Variants in DACH2 observed in about 807,000 individuals in gnomAD.
The protein encoded by DACH2 is dachshund homolog 2.
DACH2 carries 17 observed loss-of-function variants against 35.8 expected under a neutral mutation model. The observed-to-expected ratio is 0.48, with a 90% CI of 0.33 to 0.71. DACH2 has a LOEUF of 0.71. Among genes scored for constraint, DACH2 ranks in the 30% least tolerant of loss-of-function variants. The pLI is 0.02. For synonymous variants in DACH2, 195 were observed against 177.3 expected (o/e 1.10, Z -0.79); for missense variants, 469 against 472.7 (o/e 0.99, Z 0.07).
At chrX:86,397,659 T>C (rs1184207485) in intron 2 of DACH2, among the ~76,000 whole-genome samples, 4 of 112,073 alleles carry the variant, frequency 3.6e-5, no homozygotes, top group Admixed American at 2.8e-4. Context: ...CATGTGGTTT[T>C]TGTCTTTGGT....
intron 1 of DACH2, among the ~76,000 whole-genome samples, chrX:86,302,533 A>C (rs1176211641): frequency 2.7e-5 from 3 of 111,151 alleles, no homozygotes; most frequent in Non-Finnish European, 5.7e-5. Context: ...TGCACTTAGA[A>C]ACTTCTGGGT....
intron 1 of DACH2, among the ~76,000 whole-genome samples, chrX:86,318,812 T>A (rs1455725293): frequency 9.0e-6 from 1 of 111,563 alleles, no homozygotes; most frequent in African/African-American, 3.3e-5. Flanking sequence ...CTGTTAAAGA[T>A]GTTCAAAATT....
At chrX:86,340,829 A>G (rs1224140300) in intron 1 of DACH2, among the ~76,000 whole-genome samples, 1 of 112,267 alleles carries the variant, frequency 8.9e-6, no homozygotes, top group African/African-American at 3.2e-5. Context: ...TGGTCTGGCT[A>G]GAAGATCAGA....
At chrX:86,348,886 C>A (rs749310828) in intron 1 of DACH2, among the ~76,000 whole-genome samples, 17 of 112,464 alleles carry the variant, frequency 1.5e-4, no homozygotes, top group African/African-American at 5.5e-4. Context: ...GGGGAGCAGG[C>A]AGACGGGCAG....
intron 7 of DACH2, among the ~76,000 whole-genome samples, chrX:86,767,846 C>A (rs1377376268): frequency 8.9e-6 from 1 of 112,159 alleles, no homozygotes; most frequent in Non-Finnish European, 1.9e-5. Flanking sequence ...GTTCCAAGTT[C>A]TTTCCCCTCT....
At chrX:86,765,698 G>GTTTTTTTTTTTTTTTTTTT (rs60709865) in intron 7 of DACH2, among the ~76,000 whole-genome samples, 1 of 24,637 alleles carries the variant, frequency 4.1e-5, no homozygotes, top group Non-Finnish European at 6.5e-5. Context: ...TTGTTTTTTG[G>GTTTTTTTTTTTTTTTTTTT]TTTTTTTTTT....
chrX:86,252,581 A>C (rs1320683332), intron 1 of DACH2, among the ~76,000 whole-genome samples: 2 of 111,457 alleles, frequency 1.8e-5, no homozygotes, highest in Non-Finnish European at 3.8e-5. Context: ...TTATCCCAGC[A>C]ACATTTGTTG....
At chrX:86,808,170 A>T (rs769225581) in intron 7 of DACH2, among the ~76,000 whole-genome samples, 1 of 112,268 alleles carries the variant, frequency 8.9e-6, no homozygotes, top group Non-Finnish European at 1.9e-5. Flanking sequence ...CTCCTTAATG[A>T]CAAGAACTGG....
At chrX:86,731,293 G>T (rs944724377) in intron 6 of DACH2, among the ~76,000 whole-genome samples, 1 of 111,162 alleles carries the variant, frequency 9.0e-6, no homozygotes, top group Non-Finnish European at 1.9e-5. Context: ...CAGATTTCAG[G>T]TTACCAACAG....
At chrX:86,190,108 G>A (rs2031786995) in intron 1 of DACH2, among the ~76,000 whole-genome samples, 1 of 109,334 alleles carries the variant, frequency 9.1e-6, no homozygotes. Flanking sequence ...AGGCTGCACT[G>A]AGCCAAGATC....
intron 4 of DACH2, among the ~76,000 whole-genome samples, chrX:86,657,442 A>G (rs978894226): frequency 9.0e-6 from 1 of 111,649 alleles, no homozygotes; most frequent in Non-Finnish European, 1.9e-5. Context: ...ATGATTTAGA[A>G]TTTTATATTG....
At chrX:86,209,624 T>C (rs1281587391) in intron 1 of DACH2, among the ~76,000 whole-genome samples, 2 of 111,010 alleles carry the variant, frequency 1.8e-5, no homozygotes, top group African/African-American at 6.5e-5. Context: ...TCCATCCCAG[T>C]GCAGATAACA....
chrX:86,182,324 A>C (rs1330345017), intron 1 of DACH2, among the ~76,000 whole-genome samples: 1 of 111,975 alleles, frequency 8.9e-6, no homozygotes, highest in Non-Finnish European at 1.9e-5. Flanking sequence ...TTTAGGTTTT[A>C]CATTTAAGTC....
At chrX:86,345,008 T>A (rs1448612907) in intron 1 of DACH2, among the ~76,000 whole-genome samples, 1 of 112,448 alleles carries the variant, frequency 8.9e-6, no homozygotes, top group Non-Finnish European at 1.9e-5. Flanking sequence ...TCCATAGTCT[T>A]ACTTGAATGA....
rs189372428 is a variant in DACH2, at chrX:86,403,846, G to A, written c.527+26984G>A. Among the ~76,000 whole-genome samples, 6 of 111,460 alleles carry A rather than the reference G, an allele frequency of 5.4e-5. No homozygotes were observed. In the East Asian group the frequency reaches 1.7e-3, roughly 31 times the overall value. On this transcript the variant is annotated intron_variant, in intron 2 of 11. Transcript: ENST00000373125. The stretch of plus-strand genomic sequence containing the variant: ...AAGACTGGGTAATTTATAAAGGAAA[G>A]ATGTTTAATTGACTCACACTTCTGT...
intron 3 of DACH2, among the ~76,000 whole-genome samples, chrX:86,642,224 A>G (rs1316755673): frequency 9.0e-6 from 1 of 111,611 alleles, no homozygotes; most frequent in South Asian, 3.7e-4. Context: ...ACCTCACGTC[A>G]TGACACTCAT....
intron 3 of DACH2, among the ~76,000 whole-genome samples, chrX:86,529,463 C>A (rs761553336): frequency 9.9e-6 from 1 of 101,318 alleles, no homozygotes; most frequent in East Asian, 3.3e-4. Context: ...CACTCTACCC[C>A]CATGTGATCA....
intron 1 of DACH2, among the ~76,000 whole-genome samples, chrX:86,250,044 C>T (rs1479767522): frequency 9.0e-6 from 1 of 110,737 alleles, no homozygotes; most frequent in African/African-American, 3.3e-5. Context: ...ACACCTGGGC[C>T]TACCTGATGG....
intron 1 of DACH2, among the ~76,000 whole-genome samples, chrX:86,312,950 A>T (rs1201216454): frequency 8.9e-6 from 1 of 111,862 alleles, no homozygotes; most frequent in Non-Finnish European, 1.9e-5. Flanking sequence ...CAACTGGTAC[A>T]AAGATAATGC....
Sources: allele counts gnomAD v4.1 joint callset (sites outside exome capture counted in the v4.1 genomes callset), GRCh38; gene constraint gnomAD v4.1.1; transcripts MANE v1.5; gene names NCBI Gene and HGNC (gene_info 2026-07-23, HGNC 2026-07-21).